The following SPDEF variants were observed in gnomAD, a reference collection of about 807,000 sequenced individuals.
SPDEF encodes the protein SAM pointed domain-containing Ets transcription factor.
Under a neutral mutation model 36.0 loss-of-function variants are expected in SPDEF, and 12 were observed. The ratio of observed to expected loss-of-function variants is 0.33; its 90% CI spans 0.21 to 0.54. SPDEF has a LOEUF of 0.54. Among genes scored for constraint, SPDEF ranks in the 20% least tolerant of loss-of-function variants. SPDEF has a pLI of 0.93. For synonymous variants in SPDEF, 205 were observed against 193.0 expected (o/e 1.06, Z -0.51); for missense variants, 388 against 456.9 (o/e 0.85, Z 1.37).
chr6:34,545,629 G>T (rs1368335768), intron 1 of SPDEF, among the ~76,000 whole-genome samples: 1 of 152,238 alleles, frequency 6.6e-6, no homozygotes, highest in Non-Finnish European at 1.5e-5. Context: ...ATCAAGACAG[G>T]CTCAGTGCAG....
At chr6:34,549,170 A>AT in intron 1 of SPDEF, among the ~76,000 whole-genome samples, 1 of 151,980 alleles carries the variant, frequency 6.6e-6, no homozygotes, top group East Asian at 1.9e-4. Flanking sequence ...ATTAAGCCAC[A>AT]TGTCTGGATT....
intron 1 of SPDEF, among the ~76,000 whole-genome samples, chr6:34,548,167 C>A (rs549638299): frequency 6.6e-6 from 1 of 152,208 alleles, no homozygotes; most frequent in Admixed American, 6.5e-5. Flanking sequence ...GCCAGGGTGA[C>A]GTGGACTCCA....
chr6:34,541,318 G>A (rs1271653219), intron 2 of SPDEF, 137 bp from the exon 3 acceptor site: 1 of 814,802 alleles, frequency 1.2e-6, no homozygotes, highest in Admixed American at 2.8e-5. Context: ...ACAGGCCCCT[G>A]AGGGCCCCTG....
chr6:34,551,012 C>T (rs563764624), intron 1 of SPDEF, among the ~76,000 whole-genome samples: 27 of 152,322 alleles, frequency 1.8e-4, no homozygotes, highest in African/African-American at 5.3e-4. Context: ...ACTGCTTTGC[C>T]GGGCCCTCCC....
rs574437665 is a variant in SPDEF at position 34,539,335 on chromosome 6, G to A, written c.744C>T (p.Pro248=). The change falls in exon 5 of 6, where the codon CCC becomes CCT. Residue 248 remains proline, a synonymous_variant. Coordinates refer to ENST00000374037, the MANE Select transcript of SPDEF (RefSeq NM_012391.3). The surrounding 1 kb of genome is among the most constrained non-coding windows in gnomAD (Gnocchi z 5.2). ...CCTTGAGGAACTGCCACAGGTGGAT[G>A]GGCTGCCCGGAGCATGATGAGTCCA... ...SEVDSSCSGQ[P]IHLWQFLKEL... The A allele has an allele frequency of 8.1e-6, 13 of 1,613,956 alleles. No individual in the cohort carries two copies. In the Admixed American group the frequency reaches 8.3e-5, roughly 10 times the overall value.
rs926420591 is a variant in SPDEF, at chr6:34,555,484, C to T, written c.-30+445G>A. Among the ~76,000 whole-genome samples the T allele has an allele frequency of 3.3e-5, 5 of 152,192 alleles. No homozygotes were observed. Among genetic ancestry groups the T allele is most frequent in the African/African-American group, 1.2e-4 (5 of 41,456 alleles). ...GACTTAGCCCTGACCCATCAAGCTCCAGCAAGCCCCTGCCCACTGGTGGCC... is the reference window on the plus strand; with the variant it reads ...GACTTAGCCCTGACCCATCAAGCTCTAGCAAGCCCCTGCCCACTGGTGGCC... On this transcript the variant is annotated intron_variant, in intron 1 of 5. Transcript: ENST00000374037. The surrounding 1 kb of genome is among the most constrained non-coding windows in gnomAD (Gnocchi z 5.2).
chr6:34,538,558 G>C lies in SPDEF; in HGVS notation c.830-106C>G, dbSNP rs1767744176. ...CTCGTGGCGAACCAAGGGACCCCGTGCAGAGGCCTCCCCCTGCTCGGGTGG... is the reference window on the plus strand; with the variant it reads ...CTCGTGGCGAACCAAGGGACCCCGTCCAGAGGCCTCCCCCTGCTCGGGTGG... On this transcript the variant is annotated intron_variant, in intron 5 of 5. Coordinates refer to ENST00000374037, the MANE Select transcript of SPDEF (RefSeq NM_012391.3). The surrounding 1 kb of genome is among the most constrained non-coding windows in gnomAD (Gnocchi z 5.9). 21 of 1,167,270 alleles carry C rather than the reference G, an allele frequency of 1.8e-5. No homozygotes were observed. Among genetic ancestry groups the C allele is most frequent in the Non-Finnish European group, 2.5e-5 (21 of 827,140 alleles). 72.3% of individuals were successfully genotyped at this position (1,167,270 alleles called of 1,614,324 possible). A position where few individuals can be genotyped will look rare whatever the true frequency, so the allele number is the denominator to read the frequency against.
chr6:34,553,811 T>C (rs1768112145), intron 1 of SPDEF, among the ~76,000 whole-genome samples: 1 of 151,942 alleles, frequency 6.6e-6, no homozygotes, highest in African/African-American at 2.4e-5. Context: ...TGGGGCCCTG[T>C]CCTGTTCTCT....
At chr6:34,550,117 C>A (rs1483780854) in intron 1 of SPDEF, among the ~76,000 whole-genome samples, 1 of 152,204 alleles carries the variant, frequency 6.6e-6, no homozygotes, top group Non-Finnish European at 1.5e-5. Context: ...CAGGCCCAGC[C>A]GCAGTAGCAT....
At chr6:34,546,826 G>T (rs1767962541) in intron 1 of SPDEF, among the ~76,000 whole-genome samples, 1 of 152,130 alleles carries the variant, frequency 6.6e-6, no homozygotes, top group Non-Finnish European at 1.5e-5. Flanking sequence ...GGGATGTGGG[G>T]GACAGAGGGC....
rs777143431 is a variant in SPDEF at position 34,544,225 on chromosome 6, G to A, written c.231C>T (p.Ala77=). 3 of 1,613,728 alleles carry A rather than the reference G, an allele frequency of 1.9e-6. No homozygotes were observed. The highest frequency in any genetic ancestry group is 2.7e-5 in the African/African-American group (2 of 74,936). The part of the protein sequence containing the change: ...YPEDSSWAAK[A]PGASSREEPP... The stretch of plus-strand genomic sequence containing the variant: ...GCTCCTCCCGACTGCTGGCCCCAGG[G>A]GCCTTGGCTGCCCAGCTGCTGTCCT... The change falls in exon 2 of 6, where the codon GCC becomes GCT. Residue 77 remains alanine (A), a synonymous_variant. Coordinates refer to ENST00000374037, the MANE Select transcript of SPDEF (RefSeq NM_012391.3). The surrounding 1 kb of genome is among the most constrained non-coding windows in gnomAD (Gnocchi z 4.4).
rs911469255 is a variant in SPDEF, at chr6:34,539,995, C to T, written c.635-433G>A. 2.0e-5 allele frequency among the ~76,000 whole-genome samples: 3 copies of T among 152,112 alleles called. No individual in the cohort carries two copies. Among genetic ancestry groups the T allele is most frequent in the Non-Finnish European group, 4.4e-5 (3 of 68,006 alleles). On this transcript the variant is annotated intron_variant, in intron 3 of 5. Coordinates refer to ENST00000374037, the MANE Select transcript of SPDEF (RefSeq NM_012391.3). This position sits in a 1 kb window ranked among gnomAD's most constrained non-coding sequence, Gnocchi z 5.2. ...CAATTTAGACACTCAGGGGCTGACACGCAGCCATTAGAAATTTAGGGCAGG... is the reference window on the plus strand; with the variant it reads ...CAATTTAGACACTCAGGGGCTGACATGCAGCCATTAGAAATTTAGGGCAGG...
In SPDEF at chr6:34,541,097, G is replaced by T; in HGVS notation, c.521C>A (p.Ala174Asp). The T allele has an allele frequency of 6.2e-7, 1 of 1,611,176 alleles. No homozygotes were observed. Among genetic ancestry groups the T allele is most frequent in the Non-Finnish European group, 8.5e-7 (1 of 1,179,122 alleles). ...HQYRLPPMGK[A>D]FQELAGKELC... ...CTCCTTGCCCGCCAGCTCCTGGAAGGCCTTGCCCATGGGGGGCAGCCGGTA... is the reference window on the plus strand; with the variant it reads ...CTCCTTGCCCGCCAGCTCCTGGAAGTCCTTGCCCATGGGGGGCAGCCGGTA... Residue 174 changes from alanine to aspartate, a missense_variant, in exon 3 of 6, where the codon GCC (alanine) becomes GAC (aspartate). Transcript: ENST00000374037.
Position 34,552,382 on chromosome 6 carries a change from G to C in SPDEF, c.-30+3547C>G, listed in dbSNP as rs1216098175. Among the ~76,000 whole-genome samples, 1 of 152,156 alleles carries C rather than the reference G, an allele frequency of 6.6e-6. No homozygotes were observed. Among genetic ancestry groups the C allele is most frequent in the Admixed American group, 6.5e-5 (1 of 15,284 alleles). On this transcript the variant is annotated intron_variant, in intron 1 of 5. Coordinates refer to ENST00000374037, the MANE Select transcript of SPDEF (RefSeq NM_012391.3). This position sits in a 1 kb window ranked among gnomAD's most constrained non-coding sequence, Gnocchi z 4.6. ...CTGAGGCCCCTTGGCCGATCCTCTTGGCCTCAGCCTCTTCAGCAGTGAAAC... is the reference window on the plus strand; with the variant it reads ...CTGAGGCCCCTTGGCCGATCCTCTTCGCCTCAGCCTCTTCAGCAGTGAAAC...
rs1767765171 is a variant in SPDEF at position 34,539,350 on chromosome 6, T to C, written c.729A>G (p.Ser243=). Residue 243 remains serine (S), a synonymous_variant, in exon 5 of 6, where the codon TCA becomes TCG. Transcript: ENST00000374037. The surrounding 1 kb of genome is among the most constrained non-coding windows in gnomAD (Gnocchi z 5.2). ...ESWTDSEVDS[S]CSGQPIHLWQ... Reference sequence around the variant, plus strand: ...ACAGGTGGATGGGCTGCCCGGAGCATGATGAGTCCACCTCGCTGTCGGTCC... The same window carrying C: ...ACAGGTGGATGGGCTGCCCGGAGCACGATGAGTCCACCTCGCTGTCGGTCC... 1.9e-6 allele frequency: 3 copies of C among 1,613,838 alleles called. No individual in the cohort carries two copies. In the African/African-American group the frequency reaches 4.0e-5, roughly 22 times the overall value.
intron 1 of SPDEF, among the ~76,000 whole-genome samples, chr6:34,549,109 G>A (rs746244292): frequency 2.6e-5 from 4 of 152,226 alleles, no homozygotes; most frequent in African/African-American, 7.2e-5. Flanking sequence ...ACGGGCTGCC[G>A]TCTCCTGAGC....
chr6:34,546,298 G>A (rs1396626406), intron 1 of SPDEF, among the ~76,000 whole-genome samples: 1 of 152,230 alleles, frequency 6.6e-6, no homozygotes, highest in Non-Finnish European at 1.5e-5. Flanking sequence ...TAACTGGCCA[G>A]TTGGGGGGAA....
chr6:34,539,117 T>G lies in SPDEF; in HGVS notation c.829+133A>C. The G allele has an allele frequency of 9.8e-7, 1 of 1,018,176 alleles. No individual in the cohort carries two copies. Among genetic ancestry groups the G allele is most frequent in the Non-Finnish European group, 1.5e-6 (1 of 685,698 alleles). 63.1% of individuals were successfully genotyped at this position (1,018,176 alleles called of 1,614,324 possible). On this transcript the variant is annotated intron_variant, in intron 5 of 5. Transcript: ENST00000374037. This position sits in a 1 kb window ranked among gnomAD's most constrained non-coding sequence, Gnocchi z 5.2. ...GGCTGTCCCATGAGAGCTGCATATT[T>G]GGCATCTAGGACAAAGGTGGGGATC...
chr6:34,540,232 C>G (rs908828365), intron 3 of SPDEF, among the ~76,000 whole-genome samples: 3 of 151,900 alleles, frequency 2.0e-5, no homozygotes, highest in Admixed American at 2.0e-4. Flanking sequence ...ACAGGGAAGT[C>G]GAGGCTATAG....
Sources: gnomAD v4.1 joint callset for allele counts (sites outside exome capture counted in the v4.1 genomes callset) on GRCh38, gnomAD v4.1.1 for gene constraint, Gnocchi (gnomAD v3.1) non-coding constraint, MANE v1.5 for transcripts, NCBI Gene and HGNC (gene_info 2026-07-23, HGNC 2026-07-21) for gene names.